Variants in KIAA0513 observed in about 807,000 individuals in gnomAD.
KIAA0513 encodes the protein KIAA0513, also known as uncharacterized protein KIAA0513.
In KIAA0513, 39 loss-of-function variants were observed where a neutral mutation model predicts 56.5. The observed-to-expected ratio is 0.69, with a 90% confidence interval of 0.53 to 0.90. The LOEUF (loss-of-function observed/expected upper bound fraction) is 0.90. KIAA0513 is among the 40% of genes least tolerant of loss of function. KIAA0513 has a pLI of 0.00. For missense variants in KIAA0513, 591 were observed against 535.2 expected (o/e 1.10, Z -1.03); for synonymous variants, 268 against 215.6 (o/e 1.24, Z -2.13).
At chr16:85,075,050 G>A (rs999320203) in intron 4 of KIAA0513, among the ~76,000 whole-genome samples, 1 of 151,854 alleles carries the variant, frequency 6.6e-6, no homozygotes, top group Admixed American at 6.6e-5. Context: ...CAAAAACAAA[G>A]TGAAACAAAA....
intron 1 of KIAA0513, among the ~76,000 whole-genome samples, chr16:85,064,779 G>A (rs1204589098): frequency 6.6e-6 from 1 of 152,058 alleles, no homozygotes; most frequent in East Asian, 1.9e-4. Flanking sequence ...TCCGCCTCCT[G>A]GGTTCAAGTA....
intron 1 of KIAA0513, among the ~76,000 whole-genome samples, chr16:85,060,364 G>A (rs963505381): frequency 6.6e-6 from 1 of 152,138 alleles, no homozygotes; most frequent in African/African-American, 2.4e-5. Flanking sequence ...TTTAGTCAGC[G>A]GTGGAGAGGA....
chr16:85,040,477 C>G (rs2143863838), intron 1 of KIAA0513, among the ~76,000 whole-genome samples: 1 of 152,216 alleles, frequency 6.6e-6, no homozygotes, highest in East Asian at 1.9e-4. Context: ...TTGCGGTGAG[C>G]TGAGATCGCA....
At chr16:85,060,836 C>CCTAT (rs1252699255) in intron 1 of KIAA0513, among the ~76,000 whole-genome samples, 2 of 144,322 alleles carry the variant, frequency 1.4e-5, no homozygotes, top group East Asian at 3.9e-4. Context: ...AGAGCGTGAA[C>CCTAT]CTATCTAAAA....
At chr16:85,046,622 G>A (rs1472570416) in intron 1 of KIAA0513, among the ~76,000 whole-genome samples, 4 of 152,222 alleles carry the variant, frequency 2.6e-5, no homozygotes, top group Non-Finnish European at 5.9e-5. Flanking sequence ...CACACTGAGA[G>A]GGAACCTAGG....
At chr16:85,083,846 A>G (rs1381143819) in intron 10 of KIAA0513, among the ~76,000 whole-genome samples, 4 of 152,154 alleles carry the variant, frequency 2.6e-5, no homozygotes, top group Admixed American at 2.0e-4. Context: ...TGCTTCCAAC[A>G]TGCCATCTCT....
At chr16:85,075,704 G>T (rs1467865406) in intron 4 of KIAA0513, 140 bp from the exon 5 acceptor site, 4 of 700,216 alleles carry the variant, frequency 5.7e-6, no homozygotes, top group Non-Finnish European at 1.0e-5. Context: ...AATGGAACTT[G>T]GGGAGATTGT....
intron 1 of KIAA0513, among the ~76,000 whole-genome samples, chr16:85,029,228 A>G (rs2072929891): frequency 6.6e-6 from 1 of 152,052 alleles, no homozygotes; most frequent in African/African-American, 2.4e-5. Flanking sequence ...TTTTTTTTCC[A>G]TTAAAGAGAT....
At chr16:85,048,862 C>G (rs57997696) in intron 1 of KIAA0513, among the ~76,000 whole-genome samples, 30,376 of 152,156 alleles carry the variant, frequency 0.2, 3,220 homozygotes, top group Middle Eastern at 0.24. Context: ...AACACAATAA[C>G]AATCTTCCGA....
intron 8 of KIAA0513, among the ~76,000 whole-genome samples, chr16:85,079,917 G>A (rs941955325): frequency 4.6e-5 from 7 of 152,158 alleles, no homozygotes; most frequent in South Asian, 2.1e-4. Context: ...GATGATGGTC[G>A]TGCTGCGTTA....
intron 1 of KIAA0513, among the ~76,000 whole-genome samples, chr16:85,059,803 A>G (rs1196689797): frequency 1.3e-5 from 2 of 152,164 alleles, no homozygotes; most frequent in African/African-American, 4.8e-5. Flanking sequence ...ACCATAACCT[A>G]TTTCCCCAAA....
chr16:85,084,894 G>A (rs989044756), intron 10 of KIAA0513, among the ~76,000 whole-genome samples: 1 of 152,180 alleles, frequency 6.6e-6, no homozygotes, highest in African/African-American at 2.4e-5. Context: ...ATTTTATCGT[G>A]GGCATTACCT....
At chr16:85,050,266 A>G (rs1215859929) in intron 1 of KIAA0513, among the ~76,000 whole-genome samples, 2 of 152,102 alleles carry the variant, frequency 1.3e-5, no homozygotes, top group African/African-American at 4.8e-5. Flanking sequence ...GGGACTTAGG[A>G]GAACTTCTGA....
At chr16:85,071,918 T>A (rs764661122) in intron 3 of KIAA0513, 36 bp downstream of exon 3, 13 of 1,351,700 alleles carry the variant, frequency 9.6e-6, no homozygotes, top group Admixed American at 3.5e-5. Context: ...GGGCGTTTAC[T>A]CTCAAGGAAG....
intron 2 of KIAA0513, among the ~76,000 whole-genome samples, chr16:85,069,382 G>T (rs886406666): frequency 8.6e-5 from 13 of 152,028 alleles, no homozygotes; most frequent in Non-Finnish European, 1.6e-4. Context: ...GCCAGCAGCT[G>T]ATTCAGAAGC....
At chr16:85,078,545 G>C in intron 7 of KIAA0513, 90 bp downstream of exon 7, 2 of 1,284,554 alleles carry the variant, frequency 1.6e-6, no homozygotes, top group South Asian at 1.2e-5. Context: ...GGGCTTTCCT[G>C]CCTCCACGGA....
At position 85,077,420 on chromosome 16, in the gene KIAA0513, C is replaced by T. The variant is rs754575399; in HGVS notation, c.575-5C>T. On this transcript the variant is annotated splice_polypyrimidine_tract_variant and splice_region_variant and intron_variant, in intron 5 of 12. Transcript: ENST00000683363. ...GGCCTCGTCTTGTTCCCTCTCTCAT[C>T]CAAGGAAAACCACAGCTGCTGCCCC... The T allele has an allele frequency of 4.2e-5, 67 of 1,613,588 alleles. No homozygotes were observed. Among genetic ancestry groups the T allele is most frequent in the Non-Finnish European group, 5.6e-5 (66 of 1,179,722 alleles).
At chr16:85,061,152 G>A (rs1446846274) in intron 1 of KIAA0513, among the ~76,000 whole-genome samples, 2 of 149,498 alleles carry the variant, frequency 1.3e-5, no homozygotes, top group African/African-American at 2.5e-5. Flanking sequence ...GTGAGTCTCC[G>A]TCTCAAAAAA....
intron 1 of KIAA0513, among the ~76,000 whole-genome samples, chr16:85,036,615 G>T (rs919799928): frequency 2.6e-5 from 4 of 152,148 alleles, no homozygotes; most frequent in African/African-American, 9.7e-5. Context: ...TGATTGTGGG[G>T]TGGACGAGCA....
Sources: allele counts gnomAD v4.1 joint callset (sites outside exome capture counted in the v4.1 genomes callset), GRCh38; gene constraint gnomAD v4.1.1; transcripts MANE v1.5; gene names NCBI Gene and HGNC (gene_info 2026-07-23, HGNC 2026-07-21).